PAX2: variants seen among roughly 807,000 people sequenced by gnomAD.
The protein encoded by PAX2 is paired box 2, also known as paired box protein Pax-2.
In PAX2, 9 loss-of-function variants were observed where a neutral mutation model predicts 41.7. The observed-to-expected ratio is 0.22, with a 90% CI of 0.13 to 0.38. The LOEUF is 0.38. PAX2 is among the 10% of genes least tolerant of loss of function. The probability of loss-of-function intolerance (pLI) is 1.00; values close to 1 mark genes in which losing one functional copy is unlikely to be tolerated. For missense variants in PAX2, 418 were observed against 531.6 expected (o/e 0.79, Z 2.10); for synonymous variants, 221 against 212.7 (o/e 1.04, Z -0.34).
intron 7 of PAX2, among the ~76,000 whole-genome samples, chr10:100,812,702 G>T (rs76643699): frequency 6.6e-6 from 1 of 152,170 alleles, no homozygotes; most frequent in Non-Finnish European, 1.5e-5. Flanking sequence ...ATGTCTGGCC[G>T]GGGCTCCAGT....
chr10:100,750,841 C>T lies in PAX2; in HGVS notation c.360C>T (p.Ala120=), dbSNP rs41291450. Residue 120 remains alanine (A), a synonymous_variant, in exon 3 of 10, where the codon GCC becomes GCT. Coordinates refer to ENST00000355243, the MANE Select transcript of PAX2 (RefSeq NM_000278.5). This position sits in a 1 kb window ranked among gnomAD's most constrained non-coding sequence, Gnocchi z 4.1. ...GGGAGATTCGAGACCGGCTCCTGGC[C>T]GAGGGCATCTGTGACAATGACACAG... The part of the protein sequence containing the change: ...FAWEIRDRLL[A]EGICDNDTVP... 3.2e-3 allele frequency: 5,187 copies of T among 1,614,148 alleles called. 18 individuals are homozygous for T. The highest frequency in any genetic ancestry group is 3.8e-3 in the Non-Finnish European group (4,541 of 1,180,006).
intron 7 of PAX2, among the ~76,000 whole-genome samples, chr10:100,822,780 A>G (rs562152223): frequency 1.3e-5 from 2 of 152,352 alleles, no homozygotes; most frequent in East Asian, 1.9e-4. Context: ...TTCACATCAC[A>G]CAAGCCATGA....
At chr10:100,741,441 A>G (rs892004698), upstream of PAX2, among the ~76,000 whole-genome samples, 9 of 137,364 alleles carry the variant, frequency 6.6e-5, no homozygotes, top group African/African-American at 1.9e-4. Flanking sequence ...CCATCCTCCA[A>G]CGTGACCAGA....
At chr10:100,810,467 G>C (rs979855495) in intron 7 of PAX2, among the ~76,000 whole-genome samples, 2 of 152,218 alleles carry the variant, frequency 1.3e-5, no homozygotes, top group Non-Finnish European at 2.9e-5. Flanking sequence ...CTGGGCTTTC[G>C]GGAGTGACGA....
chr10:100,812,693 T>G (rs1261499317), intron 7 of PAX2, among the ~76,000 whole-genome samples: 1 of 152,210 alleles, frequency 6.6e-6, no homozygotes, highest in Admixed American at 6.5e-5. Context: ...CCCCTCCCCA[T>G]GTCTGGCCGG....
chr10:100,785,516 T>C (rs1589853389), intron 5 of PAX2, among the ~76,000 whole-genome samples: 1 of 152,348 alleles, frequency 6.6e-6, no homozygotes, highest in Middle Eastern at 3.4e-3. Context: ...GCAGGTTGCA[T>C]GGCTGCAGAT....
chr10:100,803,927 G>T (rs955767980), intron 5 of PAX2, among the ~76,000 whole-genome samples: 2 of 152,142 alleles, frequency 1.3e-5, no homozygotes, highest in African/African-American at 4.8e-5. Flanking sequence ...TGAGTGGAGG[G>T]AGCAGCAATA....
At chr10:100,774,176 G>A (rs1172195716) in intron 3 of PAX2, among the ~76,000 whole-genome samples, 1 of 152,198 alleles carries the variant, frequency 6.6e-6, no homozygotes, top group Non-Finnish European at 1.5e-5. Flanking sequence ...CTTTCTTCTT[G>A]AGTTTAACAC....
chr10:100,758,302 G>A (rs1433096764), intron 3 of PAX2, among the ~76,000 whole-genome samples: 2 of 152,010 alleles, frequency 1.3e-5, no homozygotes, highest in South Asian at 2.1e-4. Flanking sequence ...CACCACGCCC[G>A]GCTAATTTTT....
At chr10:100,749,590 G>A (rs1026817701) in intron 1 of PAX2, 156 bp from the exon 2 acceptor site, 1 of 1,426,524 alleles carries the variant, frequency 7.0e-7, no homozygotes, top group Non-Finnish European at 9.2e-7. Context: ...CCACTCCTCC[G>A]CGTGGTCGTG....
At chr10:100,753,645 G>A (rs772047677) in intron 3 of PAX2, among the ~76,000 whole-genome samples, 1 of 152,172 alleles carries the variant, frequency 6.6e-6, no homozygotes, top group Non-Finnish European at 1.5e-5. Flanking sequence ...TGCATGAGCT[G>A]GTGGTTGGCA....
chr10:100,825,029 C>T (rs1301602884), intron 8 of PAX2: 9 of 1,485,176 alleles, frequency 6.1e-6, no homozygotes, highest in South Asian at 1.1e-5. Flanking sequence ...CAAGTCTGTG[C>T]CCGAGGAGCA....
chr10:100,807,006 TCCTACA>T (rs1847812250), intron 6 of PAX2, among the ~76,000 whole-genome samples: 1 of 151,918 alleles, frequency 6.6e-6, no homozygotes, highest in Non-Finnish European at 1.5e-5. Flanking sequence ...CCCCTCAGGG[TCCTACA>T]GAAAGTCTAC....
intron 3 of PAX2, among the ~76,000 whole-genome samples, chr10:100,751,963 G>A (rs922234726): frequency 6.6e-6 from 1 of 152,238 alleles, no homozygotes; most frequent in East Asian, 1.9e-4. Flanking sequence ...CATTATCAGG[G>A]CAACTAATAA....
chr10:100,828,546 C>A lies in PAX2; in HGVS notation c.*927C>A. Reference sequence around the variant, plus strand: ...CCTCCTCCCTGACTCGCAGCCCCATCGGACGCTCTCCCGGGACCGCCGCAG... The same window carrying A: ...CCTCCTCCCTGACTCGCAGCCCCATAGGACGCTCTCCCGGGACCGCCGCAG... On this transcript the variant is annotated 3_prime_UTR_variant, in exon 10 of 10. Transcript: ENST00000355243. The surrounding 1 kb of genome is among the most constrained non-coding windows in gnomAD (Gnocchi z 6.5). 4.3e-6 allele frequency: 1 copy of A among 233,352 alleles called. No homozygotes were observed. The highest frequency in any genetic ancestry group is 6.0e-5 in the East Asian group (1 of 16,574). The allele number at this position is 233,352 out of a possible 1,614,324, so 14.5% of individuals were successfully genotyped here.
rs543632412 is a variant in PAX2, at chr10:100,750,256, G to C, written c.212+342G>C. 3.4e-4 allele frequency among the ~76,000 whole-genome samples: 52 copies of C among 152,206 alleles called. No homozygotes were observed. The highest frequency in any genetic ancestry group is 1.6e-3 in the Admixed American group (25 of 15,294). On this transcript the variant is annotated intron_variant, in intron 2 of 9. Coordinates refer to ENST00000355243, the MANE Select transcript of PAX2 (RefSeq NM_000278.5). This position sits in a 1 kb window ranked among gnomAD's most constrained non-coding sequence, Gnocchi z 4.1. Reference sequence around the variant, plus strand: ...GAGGAATGGGGGGGGAGTGAAAATGGGTCCCCGAGAGGAGAAGCAGCAGCA... The same window carrying C: ...GAGGAATGGGGGGGGAGTGAAAATGCGTCCCCGAGAGGAGAAGCAGCAGCA...
chr10:100,745,177 C>T (rs1265493804), upstream of PAX2, among the ~76,000 whole-genome samples: 1 of 152,206 alleles, frequency 6.6e-6, no homozygotes, highest in African/African-American at 2.4e-5. Flanking sequence ...GCAGCGCGCT[C>T]CGAGGCCCTC....
chr10:100,787,233 C>T (rs746486321), intron 5 of PAX2, among the ~76,000 whole-genome samples: 11 of 152,064 alleles, frequency 7.2e-5, no homozygotes, highest in Non-Finnish European at 1.6e-4. Flanking sequence ...CCCCGGTGGC[C>T]TGGAGGGTCA....
chr10:100,760,280 C>T (rs577112844), intron 3 of PAX2, among the ~76,000 whole-genome samples: 7 of 152,110 alleles, frequency 4.6e-5, no homozygotes, highest in East Asian at 3.9e-4. Context: ...AGAAGGCTTC[C>T]GGCTAAAGGG....
Sources: allele counts gnomAD v4.1 joint callset (sites outside exome capture counted in the v4.1 genomes callset), GRCh38; gene constraint gnomAD v4.1.1; non-coding constraint Gnocchi (gnomAD v3.1); transcripts MANE v1.5; gene names NCBI Gene and HGNC (gene_info 2026-07-23, HGNC 2026-07-21).